Variants in PCDHGB2 observed in about 807,000 individuals in gnomAD.
PCDHGB2 encodes protocadherin gamma subfamily B, 2, also known as protocadherin gamma-B2.
In PCDHGB2, 55 loss-of-function variants were observed where a neutral mutation model predicts 59.3. The observed-to-expected ratio is 0.93, with a 90% confidence interval of 0.75 to 1.16. The LOEUF (loss-of-function observed/expected upper bound fraction) is 1.16. PCDHGB2 is among the 50% of genes most tolerant of loss of function. The probability of loss-of-function intolerance (pLI) is 0.00; values close to 1 mark genes in which losing one functional copy is unlikely to be tolerated. For missense variants in PCDHGB2, 1,228 were observed against 1,198.5 expected (o/e 1.02, Z -0.36); for synonymous variants, 516 against 512.0 (o/e 1.01, Z -0.11).
chr5:141,484,922 GC>G (rs869160673), intron 1 of PCDHGB2: 1 of 481,378 alleles, frequency 2.1e-6, no homozygotes, highest in South Asian at 2.8e-5. Context: ...TAACCCTGCT[GC>G]TGTTGGGACG....
chr5:141,389,843 G>A lies in PCDHGB2; in HGVS notation c.2421+27287G>A, dbSNP rs372102656. On this transcript the variant is annotated intron_variant, in intron 1 of 3. Transcript: ENST00000522605. ...GTGACGGTGGACAGCCACCACTCTC[G>A]GCCACTGCCACGTTGCACCTGGTCT... is the stretch of plus-strand genomic sequence containing the variant. The A allele has an allele frequency of 3.7e-6, 6 of 1,613,898 alleles. 1 individual carries two copies. The highest frequency in any genetic ancestry group is 2.7e-5 in the African/African-American group (2 of 74,948).
At chr5:141,428,230 C>A in intron 1 of PCDHGB2, 1 of 1,073,982 alleles carries the variant, frequency 9.3e-7, no homozygotes, top group Non-Finnish European at 1.4e-6. Flanking sequence ...CGCAGACAGC[C>A]TGCAGGAGGC....
rs368800698 is a variant in PCDHGB2, at chr5:141,405,118, G to A, written c.2421+42562G>A. The A allele has an allele frequency of 1.1e-5, 18 of 1,613,946 alleles. No homozygotes were observed. The East Asian group carries it at 1.8e-4, about 16-fold the overall frequency. ...TCAGGCTGAGGCACTGGCACTCCTCGCATCTGCTGCGGGCTACCAGTGATG... is the reference window on the plus strand; with the variant it reads ...TCAGGCTGAGGCACTGGCACTCCTCACATCTGCTGCGGGCTACCAGTGATG... On this transcript the variant is annotated intron_variant, in intron 1 of 3. Transcript: ENST00000522605.
At chr5:141,425,381 A>C (rs1374877185) in intron 1 of PCDHGB2, among the ~76,000 whole-genome samples, 3 of 152,194 alleles carry the variant, frequency 2.0e-5, no homozygotes, top group African/African-American at 7.2e-5. Flanking sequence ...GTTGATTCGG[A>C]GGTAGTGATA....
intron 1 of PCDHGB2, among the ~76,000 whole-genome samples, chr5:141,457,537 T>C (rs967428207): frequency 6.6e-6 from 1 of 152,228 alleles, no homozygotes; most frequent in Non-Finnish European, 1.5e-5. Context: ...TAGGGTTTAA[T>C]GACAAATGTA....
At chr5:141,419,602 C>G (rs757423030) in intron 1 of PCDHGB2, 3 of 1,611,874 alleles carry the variant, frequency 1.9e-6, no homozygotes, top group African/African-American at 2.7e-5. Context: ...TGCCGCGGGC[C>G]GCGCAGCCAG....
At chr5:141,450,831 T>TA (rs761717068) in intron 1 of PCDHGB2, among the ~76,000 whole-genome samples, 7,796 of 144,584 alleles carry the variant, frequency 0.054, 354 homozygotes, top group African/African-American at 0.12. Context: ...TTATTATTAT[T>TA]TTTTTTTTTT....
Position 141,432,110 on chromosome 5 carries a change from G to A in PCDHGB2, c.2422-62697G>A. On this transcript the variant is annotated intron_variant, in intron 1 of 3. Coordinates refer to ENST00000522605, the MANE Select transcript of PCDHGB2 (RefSeq NM_018923.3). This position sits in a 1 kb window ranked among gnomAD's most constrained non-coding sequence, Gnocchi z 6.0. ...GGCAGACACCAACGACAACCCGCCG[G>A]TCTTCCCTCAGGCCTCCTATTCCGC... 6.2e-7 allele frequency: 1 copy of A among 1,614,108 alleles called. No individual in the cohort carries two copies. Among genetic ancestry groups the A allele is most frequent in the Non-Finnish European group, 8.5e-7 (1 of 1,180,036 alleles).
At chr5:141,397,923 C>T in intron 1 of PCDHGB2, 1 of 738,672 alleles carries the variant, frequency 1.4e-6, no homozygotes, top group East Asian at 2.8e-5. Flanking sequence ...GATCTCCTCG[C>T]GCAGCCGCAG....
intron 1 of PCDHGB2, chr5:141,418,120 G>A: frequency 6.2e-7 from 1 of 1,614,084 alleles, no homozygotes; most frequent in Non-Finnish European, 8.5e-7. Context: ...TACTTGTGAA[G>A]GACCGAATAG....
At chr5:141,392,608 AT>A in intron 1 of PCDHGB2, 1 of 519,670 alleles carries the variant, frequency 1.9e-6, no homozygotes, top group Non-Finnish European at 3.3e-6. Context: ...TGGAAGACAA[AT>A]GCAACCGAAA....
At chr5:141,389,325 C>A (rs368804822) in intron 1 of PCDHGB2, 3 of 1,614,004 alleles carry the variant, frequency 1.9e-6, no homozygotes, top group Non-Finnish European at 2.5e-6. Flanking sequence ...GGACTTGGGG[C>A]CCAACGGCCA....
intron 1 of PCDHGB2, chr5:141,384,591 C>T (rs1780246263): frequency 6.2e-7 from 1 of 1,614,114 alleles, no homozygotes; most frequent in South Asian, 1.1e-5. Flanking sequence ...AGATCCTGTA[C>T]CCGGCCCTCC....
At chr5:141,390,362 G>GA (rs1411664231) in intron 1 of PCDHGB2, 10 of 1,532,890 alleles carry the variant, frequency 6.5e-6, no homozygotes, top group Middle Eastern at 3.5e-4. Context: ...ATATTTGCAG[G>GA]AAAATATATA....
chr5:141,361,039 A>G lies in PCDHGB2; in HGVS notation c.904A>G (p.Thr302Ala), dbSNP rs1561522364. Residue 302 changes from threonine to alanine, a missense_variant, in exon 1 of 4, where the codon ACG (threonine) becomes GCG (alanine). By Grantham distance (58) the Thr-to-Ala change is moderately conservative. This residue lies in a region of PCDHGB2 where 781 missense variants were observed against 721.6 expected (regional missense o/e 1.08). Transcript: ENST00000522605. ...FNLNEKTGEI[T>A]TKDDLDFEIA... ...CTTAAATGAAAAAACAGGAGAAATC[A>G]CGACAAAGGATGATTTGGATTTTGA... 6 of 1,613,496 alleles carry G rather than the reference A, an allele frequency of 3.7e-6. No individual in the cohort carries two copies. The highest frequency in any genetic ancestry group is 4.2e-6 in the Non-Finnish European group (5 of 1,179,612).
intron 1 of PCDHGB2, among the ~76,000 whole-genome samples, chr5:141,449,391 G>A (rs1020753910): frequency 1.3e-5 from 2 of 151,876 alleles, no homozygotes; most frequent in Non-Finnish European, 2.9e-5. Context: ...TGGATTACTT[G>A]AGGCCAGGAG....
chr5:141,387,938 T>G (rs1461367286), intron 1 of PCDHGB2: 1 of 1,476,714 alleles, frequency 6.8e-7, no homozygotes, highest in South Asian at 1.4e-5. Context: ...CAGTGCTCTT[T>G]CTCTTCCTGC....
intron 1 of PCDHGB2, chr5:141,399,634 A>C: frequency 6.2e-7 from 1 of 1,613,860 alleles, no homozygotes; most frequent in East Asian, 2.2e-5. Context: ...TTACGTGTCC[A>C]TGAGCGCGCA....
rs1032814206 is a variant in PCDHGB2, at chr5:141,472,764, T to A, written c.2422-22043T>A. Among the ~76,000 whole-genome samples, 12 of 152,040 alleles carry A rather than the reference T, an allele frequency of 7.9e-5. No individual in the cohort carries two copies. The East Asian group carries it at 2.1e-3, about 27-fold the overall frequency. ...ACTTTGGGAGGCGGAGGCTGGCAGATCACCTGAGGTTGGGAGTTCAAGATC... is the reference window on the plus strand; with the variant it reads ...ACTTTGGGAGGCGGAGGCTGGCAGAACACCTGAGGTTGGGAGTTCAAGATC... On this transcript the variant is annotated intron_variant, in intron 1 of 3. Coordinates refer to ENST00000522605, the MANE Select transcript of PCDHGB2 (RefSeq NM_018923.3).
Sources: allele counts gnomAD v4.1 joint callset (sites outside exome capture counted in the v4.1 genomes callset), GRCh38; gene constraint gnomAD v4.1.1; regional missense constraint gnomAD v4.1.1; non-coding constraint Gnocchi (gnomAD v3.1); transcripts MANE v1.5; gene names NCBI Gene and HGNC (gene_info 2026-07-23, HGNC 2026-07-21).